Variants in TSPO observed in about 807,000 individuals in gnomAD.
TSPO encodes translocator protein.
TSPO carries 14 observed loss-of-function variants against 13.9 expected under a neutral mutation model. That is an observed-to-expected ratio of 1.01 (90% CI 0.67 to 1.58). The LOEUF is 1.58. TSPO is among the 40% of genes most tolerant of loss of function. TSPO has a pLI of 0.00. For missense variants in TSPO, 232 were observed against 229.6 expected, an observed-to-expected ratio of 1.01 and a Z score of -0.07; for synonymous variants, 114 against 105.9, an observed-to-expected ratio of 1.08 and a Z score of -0.47.
intron 1 of TSPO, among the ~76,000 whole-genome samples, chr22:43,158,895 G>C (rs1931338966): frequency 6.6e-6 from 1 of 152,144 alleles, no homozygotes; most frequent in Admixed American, 6.5e-5. Flanking sequence ...CCAGGACGGG[G>C]ACTTGACCCA....
intron 1 of TSPO, among the ~76,000 whole-genome samples, chr22:43,156,773 GTAT>G (rs1226913156): frequency 6.6e-6 from 1 of 152,164 alleles, no homozygotes; most frequent in Non-Finnish European, 1.5e-5. Flanking sequence ...CTTCCATGTC[GTAT>G]CAAGGGGTTC....
intron 1 of TSPO, among the ~76,000 whole-genome samples, chr22:43,157,987 T>C (rs1227937667): frequency 1.3e-5 from 2 of 152,230 alleles, no homozygotes; most frequent in Non-Finnish European, 2.9e-5. Flanking sequence ...GGGGCCAGTC[T>C]TTAATAGTCC....
chr22:43,158,142 A>G (rs954689016), intron 1 of TSPO, among the ~76,000 whole-genome samples: 3 of 151,742 alleles, frequency 2.0e-5, no homozygotes, highest in South Asian at 2.1e-4. Flanking sequence ...CTCTGCTGAC[A>G]CCCCTCTACC....
Position 43,158,816 on chromosome 22 carries a change from G to A in TSPO, c.-29-394G>A, listed in dbSNP as rs75034896. Among the ~76,000 whole-genome samples, 17 of 151,876 alleles carry A rather than the reference G, an allele frequency of 1.1e-4. No homozygotes were observed. In the South Asian group the frequency reaches 3.6e-3, roughly 32 times the overall value. On this transcript the variant is annotated intron_variant, in intron 1 of 3. Coordinates refer to ENST00000337554, the MANE Select transcript of TSPO (RefSeq NM_000714.6). ...CTGATACCAGTCACCAAATGAATGA[G>A]TGAGTGAGTGAGTGAGTGAAAGGTG...
At chr22:43,160,879 A>T (rs758948952) in intron 2 of TSPO, among the ~76,000 whole-genome samples, 173 bp from the exon 3 acceptor site, 1 of 152,210 alleles carries the variant, frequency 6.6e-6, no homozygotes, top group Non-Finnish European at 1.5e-5. Flanking sequence ...GCTAACTAGA[A>T]TCTCTACAGC....
intron 1 of TSPO, chr22:43,152,253 C>T (rs1214392100): frequency 6.6e-6 from 1 of 152,418 alleles, no homozygotes; most frequent in African/African-American, 2.4e-5. Context: ...GCTGTGAACG[C>T]GCTGCTGGCC....
At chr22:43,157,925 G>T (rs1931306446) in intron 1 of TSPO, among the ~76,000 whole-genome samples, 1 of 152,232 alleles carries the variant, frequency 6.6e-6, no homozygotes, top group South Asian at 2.1e-4. Flanking sequence ...TTCGTGTTAT[G>T]TTGAGAACAA....
chr22:43,156,017 T>TCCCCGC (rs1931239337), intron 1 of TSPO, among the ~76,000 whole-genome samples: 1 of 152,152 alleles, frequency 6.6e-6, no homozygotes, highest in African/African-American at 2.4e-5. Context: ...CCTAGGAAAC[T>TCCCCGC]CCCCGCCCCC....
At chr22:43,155,590 C>A (rs1209847503) in intron 1 of TSPO, among the ~76,000 whole-genome samples, 4 of 152,274 alleles carry the variant, frequency 2.6e-5, no homozygotes, top group Admixed American at 6.5e-5. Flanking sequence ...ATACCCACAA[C>A]CCCTCTCTTC....
intron 1 of TSPO, among the ~76,000 whole-genome samples, chr22:43,155,287 G>C (rs1486377574): frequency 6.6e-6 from 1 of 152,174 alleles, no homozygotes; most frequent in Non-Finnish European, 1.5e-5. Context: ...TGTGGGGACT[G>C]AACAAGGCGG....
rs1279820422 is a variant in TSPO, at chr22:43,163,171, T to C, written c.*180T>C. ...CCCACCCGGGAGCAGTGTCCTGTGCTTTCTGCATGCTTAGAGCATGTTCTT... is the reference window on the plus strand; with the variant it reads ...CCCACCCGGGAGCAGTGTCCTGTGCCTTCTGCATGCTTAGAGCATGTTCTT... On this transcript the variant is annotated 3_prime_UTR_variant, in exon 4 of 4. Coordinates refer to ENST00000337554, the MANE Select transcript of TSPO (RefSeq NM_000714.6). 6.3e-6 allele frequency: 9 copies of C among 1,433,366 alleles called. No individual in the cohort carries two copies. The highest frequency in any genetic ancestry group is 8.2e-6 in the Non-Finnish European group (9 of 1,094,966). The allele number at this position is 1,433,366 out of a possible 1,614,324, so 88.8% of individuals were successfully genotyped here. A position where few individuals can be genotyped will look rare whatever the true frequency, so the allele number is the denominator to read the frequency against.
At chr22:43,152,591 A>G (rs919662390) in intron 1 of TSPO, among the ~76,000 whole-genome samples, 3 of 152,342 alleles carry the variant, frequency 2.0e-5, no homozygotes, top group Non-Finnish European at 4.4e-5. Flanking sequence ...TGGCGGTGAA[A>G]GGGGCCGTGT....
chr22:43,156,938 G>A (rs535751335), intron 1 of TSPO, among the ~76,000 whole-genome samples: 3 of 152,312 alleles, frequency 2.0e-5, no homozygotes, highest in East Asian at 3.9e-4. Context: ...GGTCCGGCTC[G>A]TTTCCAGTGG....
At position 43,159,426 on chromosome 22, in the gene TSPO, T is replaced by C; in HGVS notation, c.182+6T>C. ...ACGCTCTACTCAGCCATGGGGTAGG[T>C]GGGCGTGCACTGGCCTGGGGATAAG... On this transcript the variant is annotated splice_donor_region_variant and intron_variant, in intron 2 of 3. Transcript: ENST00000337554. The C allele has an allele frequency of 1.3e-6, 2 of 1,507,562 alleles. No individual in the cohort carries two copies. Among genetic ancestry groups the C allele is most frequent in the Non-Finnish European group, 1.8e-6 (2 of 1,127,778 alleles). The allele number at this position is 1,507,562 out of a possible 1,614,324, so 93.4% of individuals were successfully genotyped here.
In TSPO at chr22:43,162,895, C is replaced by T; in HGVS notation, c.414C>T (p.Tyr138=). Residue 138 remains tyrosine, a synonymous_variant, in exon 4 of 4, where the codon TAC becomes TAT. Coordinates refer to ENST00000337554, the MANE Select transcript of TSPO (RefSeq NM_000714.6). ...QVSPLAARLL[Y]PYLAWLAFTT... ...GCCCGCTGGCCGCCCGCCTGCTCTA[C>T]CCCTACCTGGCCTGGCTGGCCTTCA... 2 of 1,587,072 alleles carry T rather than the reference C, an allele frequency of 1.3e-6. No individual in the cohort carries two copies. Among genetic ancestry groups the T allele is most frequent in the Non-Finnish European group, 1.7e-6 (2 of 1,167,282 alleles).
chr22:43,158,379 G>A (rs1931321987), intron 1 of TSPO, among the ~76,000 whole-genome samples: 1 of 152,198 alleles, frequency 6.6e-6, no homozygotes, highest in Non-Finnish European at 1.5e-5. Context: ...CTGCAAGTTG[G>A]CAGAACTGAA....
intron 2 of TSPO, among the ~76,000 whole-genome samples, chr22:43,160,092 A>G (rs1296282693): frequency 6.6e-6 from 1 of 152,164 alleles, no homozygotes; most frequent in Non-Finnish European, 1.5e-5. Context: ...TAGGGGGCGG[A>G]TAGCAGAGGC....
intron 1 of TSPO, among the ~76,000 whole-genome samples, chr22:43,158,990 G>T (rs757089049): frequency 4.6e-5 from 7 of 152,166 alleles, no homozygotes; most frequent in African/African-American, 7.2e-5. Context: ...GAGACCCAAG[G>T]TCGAGGTGAG....
intron 1 of TSPO, among the ~76,000 whole-genome samples, chr22:43,157,362 A>G (rs573263800): frequency 7.8e-4 from 118 of 151,790 alleles, no homozygotes; most frequent in African/African-American, 2.7e-3. Context: ...TTGCCGGGAC[A>G]TAGGTCACAT....
Sources: allele counts gnomAD v4.1 joint callset (sites outside exome capture counted in the v4.1 genomes callset), GRCh38; gene constraint gnomAD v4.1.1; transcripts MANE v1.5; gene names NCBI Gene and HGNC (gene_info 2026-07-23, HGNC 2026-07-21).